DSCAM: variants seen among roughly 807,000 people sequenced by gnomAD.
DSCAM encodes DS cell adhesion molecule, also known as cell adhesion molecule DSCAM.
DSCAM carries 47 observed loss-of-function variants against 217.7 expected under a neutral mutation model. The ratio of observed to expected loss-of-function variants is 0.22; its 90% CI spans 0.17 to 0.28. DSCAM has a LOEUF of 0.28. Ranked by LOEUF, DSCAM falls within the 10% of genes least tolerant of loss-of-function variation. The pLI is 1.00. For synonymous variants in DSCAM, 1,056 were observed against 1,015.3 expected, an observed-to-expected ratio of 1.04 and a Z score of -0.76; for missense variants, 2,080 against 2,618.3, an observed-to-expected ratio of 0.79 and a Z score of 4.49.
chr21:40,388,222 T>C (rs957786565), intron 3 of DSCAM, among the ~76,000 whole-genome samples: 3 of 152,182 alleles, frequency 2.0e-5, no homozygotes, highest in Non-Finnish European at 4.4e-5. Context: ...AATAATGAGA[T>C]GCAAAAAGAA....
At chr21:40,426,119 G>C (rs1287524499) in intron 3 of DSCAM, among the ~76,000 whole-genome samples, 1 of 152,146 alleles carries the variant, frequency 6.6e-6, no homozygotes, top group East Asian at 1.9e-4. Context: ...GGTAGCACTG[G>C]AAGAAAAGAC....
intron 15 of DSCAM, among the ~76,000 whole-genome samples, chr21:40,178,556 T>C (rs1344978473): frequency 6.6e-6 from 1 of 152,210 alleles, no homozygotes; most frequent in Non-Finnish European, 1.5e-5. Flanking sequence ...CCTCCCACAC[T>C]GGACTTCACA....
Position 40,339,374 on chromosome 21 carries a change from C to T in DSCAM, c.1252G>A (p.Val418Met). 1 of 1,612,128 alleles carries T rather than the reference C, an allele frequency of 6.2e-7. No homozygotes were observed. The highest frequency in any genetic ancestry group is 8.5e-7 in the Non-Finnish European group (1 of 1,178,988). ...KIISAFSEKVVSPAEPVSLMC... is the reference protein window; with the variant it reads ...KIISAFSEKVMSPAEPVSLMC... ...AGGGAAACCGGCTCTGCTGGACTCA[C>T]CACCTTTTCACTAAAGGCAGAAATA... is the stretch of plus-strand genomic sequence containing the variant. Residue 418 changes from valine to methionine, a missense_variant, in exon 7 of 33, where the codon GTG (valine) becomes ATG (methionine). Transcript: ENST00000400454.
In DSCAM at chr21:40,042,701, G is replaced by A. The variant is rs116647016; in HGVS notation, c.5384-28C>T. 1,404 of 1,564,974 alleles carry A rather than the reference G, an allele frequency of 9.0e-4. 8 individuals carry two copies. In the African/African-American group the frequency reaches 0.016, roughly 18 times the overall value. ...ACACCAGGAAAGAGAAAAACAAGAC[G>A]GACGACTCACCATCAGAAGTCTGAA... On this transcript the variant is annotated intron_variant, in intron 31 of 32. Transcript: ENST00000400454.
rs188087232 is a variant in DSCAM at position 40,758,672 on chromosome 21, T to A, written c.44-49901A>T. On this transcript the variant is annotated intron_variant, in intron 1 of 32. Coordinates refer to ENST00000400454, the MANE Select transcript of DSCAM (RefSeq NM_001389.5). Reference sequence around the variant, plus strand: ...GAACCCCTCAGGCCAACTCCGGTTTTGTCATCAGCTGCTTGCTTAGGCGAG... The same window carrying A: ...GAACCCCTCAGGCCAACTCCGGTTTAGTCATCAGCTGCTTGCTTAGGCGAG... 5.3e-5 allele frequency among the ~76,000 whole-genome samples: 8 copies of A among 152,248 alleles called. No individual in the cohort carries two copies. In the East Asian group the frequency reaches 1.4e-3, roughly 26 times the overall value.
intron 3 of DSCAM, among the ~76,000 whole-genome samples, chr21:40,569,069 G>T (rs1365501697): frequency 6.6e-6 from 1 of 152,174 alleles, no homozygotes; most frequent in African/African-American, 2.4e-5. Context: ...GAGAGTCACT[G>T]GGTGCAGGAG....
At chr21:40,774,416 C>T (rs1336815026) in intron 1 of DSCAM, among the ~76,000 whole-genome samples, 1 of 152,234 alleles carries the variant, frequency 6.6e-6, no homozygotes, top group African/African-American at 2.4e-5. Context: ...CCTGGGAGCT[C>T]AAACAGCCTT....
chr21:40,819,747 T>C (rs997535279), intron 1 of DSCAM, among the ~76,000 whole-genome samples: 2 of 152,190 alleles, frequency 1.3e-5, no homozygotes, highest in Non-Finnish European at 2.9e-5. Context: ...AGCTGGGAGA[T>C]AGGCCAGCTT....
intron 16 of DSCAM, among the ~76,000 whole-genome samples, chr21:40,152,780 T>A (rs2090437541): frequency 6.6e-6 from 1 of 152,258 alleles, no homozygotes; most frequent in Non-Finnish European, 1.5e-5. Flanking sequence ...GACGTGCAAA[T>A]GCTCACTGCA....
intron 3 of DSCAM, among the ~76,000 whole-genome samples, chr21:40,495,147 C>G (rs552839145): frequency 6.6e-6 from 1 of 152,188 alleles, no homozygotes; most frequent in East Asian, 1.9e-4. Flanking sequence ...TTGATAAATT[C>G]TATGAAATAT....
intron 3 of DSCAM, among the ~76,000 whole-genome samples, chr21:40,555,979 G>C (rs967001478): frequency 1.3e-5 from 2 of 152,110 alleles, no homozygotes; most frequent in Admixed American, 6.6e-5. Flanking sequence ...AGTTGGGTGA[G>C]AGAGGTACCT....
At chr21:40,407,556 A>G (rs1182817783) in intron 3 of DSCAM, among the ~76,000 whole-genome samples, 2 of 152,202 alleles carry the variant, frequency 1.3e-5, no homozygotes, top group Admixed American at 6.5e-5. Flanking sequence ...CAGACATAAG[A>G]AGGAATCCAA....
chr21:40,190,840 A>G (rs2090945925), intron 11 of DSCAM, among the ~76,000 whole-genome samples: 1 of 152,232 alleles, frequency 6.6e-6, no homozygotes, highest in Non-Finnish European at 1.5e-5. Flanking sequence ...CCAGCCTCCC[A>G]GGACTTCAGA....
chr21:40,573,195 G>T lies in DSCAM; in HGVS notation c.508+119615C>A, dbSNP rs374522203. Reference sequence around the variant, plus strand: ...TACTAAAAATACAAAAAAATTAGCCGGGCGCGGTGGCGGGTGACTGTAGTC... The same window carrying T: ...TACTAAAAATACAAAAAAATTAGCCTGGCGCGGTGGCGGGTGACTGTAGTC... On this transcript the variant is annotated intron_variant, in intron 3 of 32. Coordinates refer to ENST00000400454, the MANE Select transcript of DSCAM (RefSeq NM_001389.5). 3.4e-4 allele frequency among the ~76,000 whole-genome samples: 51 copies of T among 152,174 alleles called. No homozygotes were observed. The East Asian group carries it at 8.3e-3, about 25-fold the overall frequency.
intron 3 of DSCAM, among the ~76,000 whole-genome samples, chr21:40,519,845 T>G (rs1601711426): frequency 6.8e-6 from 1 of 147,714 alleles, no homozygotes; most frequent in Non-Finnish European, 1.5e-5. Flanking sequence ...ACTCTCTCTC[T>G]CTCTCTGTGT....
At chr21:40,171,299 A>C (rs1159298168) in intron 15 of DSCAM, among the ~76,000 whole-genome samples, 1 of 152,040 alleles carries the variant, frequency 6.6e-6, no homozygotes, top group Non-Finnish European at 1.5e-5. Flanking sequence ...GCTGGTCTCG[A>C]ACTCCTGGCC....
chr21:40,027,135 A>G (rs976099295), intron 32 of DSCAM, among the ~76,000 whole-genome samples: 2 of 152,032 alleles, frequency 1.3e-5, no homozygotes, highest in Non-Finnish European at 2.9e-5. Context: ...TTCACTTATG[A>G]AGCTTAGTTT....
At chr21:40,736,773 A>G (rs2091067721) in intron 1 of DSCAM, among the ~76,000 whole-genome samples, 1 of 152,204 alleles carries the variant, frequency 6.6e-6, no homozygotes, top group Non-Finnish European at 1.5e-5. Flanking sequence ...TCTTTCTTCT[A>G]TAACATATAC....
intron 3 of DSCAM, among the ~76,000 whole-genome samples, chr21:40,463,524 C>T (rs149249099): frequency 6.6e-6 from 1 of 152,146 alleles, no homozygotes; most frequent in Non-Finnish European, 1.5e-5. Flanking sequence ...TCTGATCATC[C>T]CCACTTTCCC....
Sources: allele counts gnomAD v4.1 joint callset (sites outside exome capture counted in the v4.1 genomes callset), GRCh38; gene constraint gnomAD v4.1.1; transcripts MANE v1.5; gene names NCBI Gene and HGNC (gene_info 2026-07-23, HGNC 2026-07-21).